WWOX: variants seen among roughly 807,000 people sequenced by gnomAD.
The protein encoded by WWOX is WW domain-containing oxidoreductase.
In WWOX, 69 loss-of-function variants were observed where a neutral mutation model predicts 46.2. That is an observed-to-expected ratio of 1.49 (90% CI 1.23 to 1.82). The LOEUF (loss-of-function observed/expected upper bound fraction) is 1.82, where lower values mean the gene tolerates loss of function less well. Among genes scored for constraint, WWOX ranks in the 40% most tolerant of loss-of-function variants. The probability of loss-of-function intolerance (pLI) is 0.00; values close to 1 mark genes in which losing one functional copy is unlikely to be tolerated. For synonymous variants in WWOX, 359 were observed against 202.6 expected, an observed-to-expected ratio of 1.77 and a Z score of -6.56; for missense variants, 919 against 542.6, an observed-to-expected ratio of 1.69 and a Z score of -6.89.
intron 5 of WWOX, among the ~76,000 whole-genome samples, chr16:78,227,115 G>A (rs1361114766): frequency 3.9e-5 from 6 of 152,130 alleles, no homozygotes; most frequent in East Asian, 1.9e-4. Flanking sequence ...TCACAGCCAC[G>A]CGGGCTCGCA....
At chr16:78,289,544 C>G (rs1049016414) in intron 5 of WWOX, among the ~76,000 whole-genome samples, 3 of 152,126 alleles carry the variant, frequency 2.0e-5, no homozygotes, top group Non-Finnish European at 2.9e-5. Context: ...AAGTACTTTT[C>G]CCAACAATCG....
chr16:78,615,771 G>A (rs1965587), intron 8 of WWOX, among the ~76,000 whole-genome samples: 1 of 149,520 alleles, frequency 6.7e-6, no homozygotes, highest in African/African-American at 2.5e-5. Flanking sequence ...TTTTTTTTGA[G>A]GCGGAGTCTC....
chr16:78,172,055 G>A lies in WWOX; in HGVS notation c.516+7766G>A, dbSNP rs534886575. Among the ~76,000 whole-genome samples, 301 of 152,346 alleles carry A rather than the reference G, an allele frequency of 2.0e-3. 1 individual carries two copies. Among genetic ancestry groups the A allele is most frequent in the African/African-American group, 6.8e-3 (281 of 41,574 alleles). ...GCATAGACTTTCCCAGGCTCACACA[G>A]CTGGGAGATAACGGGGTGGATCCAA... is the stretch of plus-strand genomic sequence containing the variant. On this transcript the variant is annotated intron_variant, in intron 5 of 8. Transcript: ENST00000566780.
chr16:78,614,338 A>G (rs915398698), intron 8 of WWOX, among the ~76,000 whole-genome samples: 1 of 152,202 alleles, frequency 6.6e-6, no homozygotes, highest in Non-Finnish European at 1.5e-5. Flanking sequence ...TTGTGTGTGT[A>G]TTGTTCTGTT....
chr16:79,064,775 C>G (rs1242521589), intron 8 of WWOX, among the ~76,000 whole-genome samples: 2 of 152,184 alleles, frequency 1.3e-5, no homozygotes, highest in East Asian at 3.9e-4. Flanking sequence ...TTAAGGCATT[C>G]ACAGCACTGG....
intron 8 of WWOX, among the ~76,000 whole-genome samples, chr16:78,619,440 C>G (rs1449991565): frequency 6.7e-6 from 1 of 149,280 alleles, no homozygotes; most frequent in Admixed American, 6.7e-5. Flanking sequence ...TTTGTACACA[C>G]TGCATGCACA....
chr16:79,131,975 T>C lies in WWOX; in HGVS notation c.1057-79633T>C, dbSNP rs900421188. Reference sequence around the variant, plus strand: ...ATCTCACGAGACTTATTCACTATCATGAGAATAGTACAGGAAAGACCCACC... The same window carrying C: ...ATCTCACGAGACTTATTCACTATCACGAGAATAGTACAGGAAAGACCCACC... On this transcript the variant is annotated intron_variant, in intron 8 of 8. Transcript: ENST00000566780. Among the ~76,000 whole-genome samples the C allele has an allele frequency of 4.4e-4, 67 of 152,198 alleles. 1 individual carries two copies. Among genetic ancestry groups the C allele is most frequent in the African/African-American group, 1.5e-3 (62 of 41,516 alleles).
chr16:78,492,984 A>C (rs1357840178), intron 8 of WWOX, among the ~76,000 whole-genome samples: 1 of 152,120 alleles, frequency 6.6e-6, no homozygotes. Flanking sequence ...AATCATCTCT[A>C]GTCAGCATGG....
chr16:78,802,499 C>T (rs912029697), intron 8 of WWOX, among the ~76,000 whole-genome samples: 2 of 152,104 alleles, frequency 1.3e-5, no homozygotes, highest in Non-Finnish European at 2.9e-5. Context: ...TTTACCAGAA[C>T]TTAAATTATT....
intron 8 of WWOX, among the ~76,000 whole-genome samples, chr16:78,501,767 C>T (rs1199968181): frequency 6.6e-6 from 1 of 152,050 alleles, no homozygotes; most frequent in African/African-American, 2.4e-5. Context: ...GAACTCCTGA[C>T]CTGAAGTGAT....
At chr16:78,109,621 G>A (rs1342297983) in intron 2 of WWOX, among the ~76,000 whole-genome samples, 157 bp from the exon 3 acceptor site, 4 of 150,948 alleles carry the variant, frequency 2.6e-5, no homozygotes, top group Non-Finnish European at 5.9e-5. Flanking sequence ...TGCAGCTGTC[G>A]CAGTTGGAAC....
intron 6 of WWOX, among the ~76,000 whole-genome samples, chr16:78,422,856 C>CATATATATATATAT (rs2082981977): frequency 8.1e-6 from 1 of 122,784 alleles, no homozygotes; most frequent in African/African-American, 5.2e-5. Flanking sequence ...CACACACACA[C>CATATATATATATAT]ACACACACAC....
intron 5 of WWOX, among the ~76,000 whole-genome samples, chr16:78,188,663 T>TA (rs528574185): frequency 5.9e-5 from 9 of 152,056 alleles, no homozygotes; most frequent in Non-Finnish European, 1.0e-4. Flanking sequence ...TGTTACTTGA[T>TA]AGACACTAAA....
intron 4 of WWOX, among the ~76,000 whole-genome samples, chr16:78,118,639 G>T (rs1246213236): frequency 6.6e-6 from 1 of 152,100 alleles, no homozygotes. Context: ...CCCAGTTGTG[G>T]CAGAGATCAT....
chr16:78,597,673 T>C (rs761200793), intron 8 of WWOX, among the ~76,000 whole-genome samples: 6 of 151,970 alleles, frequency 3.9e-5, no homozygotes, highest in Non-Finnish European at 5.9e-5. Context: ...AACCCCTAAA[T>C]TGTGGTGCCT....
chr16:78,380,096 C>G (rs1349014403), intron 5 of WWOX, among the ~76,000 whole-genome samples: 2 of 152,150 alleles, frequency 1.3e-5, no homozygotes, highest in Non-Finnish European at 2.9e-5. Context: ...GCCCCTGTAT[C>G]CGAGGGAAAC....
chr16:78,664,851 T>C (rs952153766), intron 8 of WWOX, among the ~76,000 whole-genome samples: 31 of 152,208 alleles, frequency 2.0e-4, no homozygotes, highest in Admixed American at 1.4e-3. Flanking sequence ...CAATTCTAAA[T>C]GTGTGCATGT....
chr16:78,658,589 G>A (rs1360431255), intron 8 of WWOX, among the ~76,000 whole-genome samples: 1 of 152,162 alleles, frequency 6.6e-6, no homozygotes, highest in Admixed American at 6.5e-5. Context: ...CCAGCCTCTG[G>A]TGGCTGCCAT....
chr16:78,756,871 G>C (rs1461227204), intron 8 of WWOX: 8 of 702,168 alleles, frequency 1.1e-5, no homozygotes, highest in South Asian at 1.0e-4. Context: ...ATCAGAGCAT[G>C]TGACTTACGA....
Sources: gnomAD v4.1 joint callset for allele counts (sites outside exome capture counted in the v4.1 genomes callset) on GRCh38, gnomAD v4.1.1 for gene constraint, MANE v1.5 for transcripts, NCBI Gene and HGNC (gene_info 2026-07-23, HGNC 2026-07-21) for gene names.